Variants in CD226 observed in about 807,000 individuals in gnomAD.
The protein encoded by CD226 is CD226 antigen.
Under a neutral mutation model 34.9 loss-of-function variants are expected in CD226, and 24 were observed. The observed-to-expected ratio is 0.69, with a 90% CI of 0.50 to 0.97. The LOEUF (loss-of-function observed/expected upper bound fraction) is 0.97, where lower values mean the gene tolerates loss of function less well. CD226 is among the 50% of genes least tolerant of loss of function. CD226 has a pLI of 0.00. For missense variants in CD226, 397 were observed against 412.7 expected, an observed-to-expected ratio of 0.96 and a Z score of 0.33; for synonymous variants, 148 against 147.4, an observed-to-expected ratio of 1.00 and a Z score of -0.03.
intron 2 of CD226, among the ~76,000 whole-genome samples, chr18:69,924,253 G>T (rs1438088729): frequency 6.6e-6 from 1 of 152,036 alleles, no homozygotes; most frequent in Non-Finnish European, 1.5e-5. Context: ...CTCTGAAAAA[G>T]CTACAGACAC....
chr18:69,927,367 C>A (rs536179650), intron 2 of CD226, among the ~76,000 whole-genome samples: 1 of 136,396 alleles, frequency 7.3e-6, no homozygotes, highest in African/African-American at 3.6e-5. Context: ...AGACACTACA[C>A]ACACACACAC....
At chr18:69,950,855 C>T (rs1263537726), upstream of CD226, among the ~76,000 whole-genome samples, 2 of 152,036 alleles carry the variant, frequency 1.3e-5, no homozygotes, top group Non-Finnish European at 2.9e-5. Context: ...TGACCATCAC[C>T]CATTTCACTT....
chr18:69,874,597 A>G (rs577546093), intron 3 of CD226, among the ~76,000 whole-genome samples: 3 of 152,228 alleles, frequency 2.0e-5, no homozygotes, highest in East Asian at 1.9e-4. Flanking sequence ...CTGGAATCCT[A>G]TTGCAGCCTG....
chr18:69,901,107 G>A (rs551567517), intron 2 of CD226, among the ~76,000 whole-genome samples: 2 of 152,048 alleles, frequency 1.3e-5, no homozygotes, highest in East Asian at 1.9e-4. Context: ...CGTATCAAAT[G>A]CCACCATGGG....
At chr18:69,917,127 T>C (rs748967989) in intron 2 of CD226, among the ~76,000 whole-genome samples, 1 of 152,224 alleles carries the variant, frequency 6.6e-6, no homozygotes, top group Non-Finnish European at 1.5e-5. Flanking sequence ...ATACATTACA[T>C]AGTACAGCCA....
Position 69,932,943 on chromosome 18 carries a change from T to C in CD226, c.382+13791A>G, listed in dbSNP as rs1159006082. On this transcript the variant is annotated intron_variant, in intron 2 of 5. Coordinates refer to ENST00000582621, the MANE Select transcript of CD226 (RefSeq NM_001303618.2). ...CCTCCAACCTCACACAGGCCCAGCA[T>C]ATGACAGACATTCAATAAACATTTA... 2.0e-5 allele frequency among the ~76,000 whole-genome samples: 3 copies of C among 152,294 alleles called. No individual in the cohort carries two copies. In the East Asian group the frequency reaches 5.8e-4, roughly 29 times the overall value.
upstream of CD226, among the ~76,000 whole-genome samples, chr18:69,950,968 A>ATT (rs1367145868): frequency 3.9e-5 from 4 of 102,660 alleles, no homozygotes; most frequent in African/African-American, 1.6e-4. Flanking sequence ...GAAAACTATG[A>ATT]TTTTGTGTGT....
chr18:69,890,127 G>C (rs1349930471), intron 3 of CD226, among the ~76,000 whole-genome samples: 2 of 152,076 alleles, frequency 1.3e-5, no homozygotes, highest in Admixed American at 6.5e-5. Flanking sequence ...AAAGAAAAGA[G>C]GTAGAAAACT....
chr18:69,935,744 G>A (rs942328687), intron 2 of CD226, among the ~76,000 whole-genome samples: 2 of 152,166 alleles, frequency 1.3e-5, no homozygotes, highest in African/African-American at 4.8e-5. Context: ...AATGTTCTGA[G>A]GTCACAGGAG....
chr18:69,924,791 T>C (rs915399095), intron 2 of CD226, among the ~76,000 whole-genome samples: 2 of 148,390 alleles, frequency 1.3e-5, no homozygotes, highest in Non-Finnish European at 3.0e-5. Flanking sequence ...TTGAAAACTA[T>C]CTCACATAGC....
At chr18:69,960,108 T>C (rs1399714055), upstream of CD226, among the ~76,000 whole-genome samples, 1 of 151,652 alleles carries the variant, frequency 6.6e-6, no homozygotes, top group Non-Finnish European at 1.5e-5. Context: ...GTTGTGGTGG[T>C]GCACGTCTGT....
At chr18:69,874,643 T>C (rs1015000480) in intron 3 of CD226, among the ~76,000 whole-genome samples, 1 of 152,222 alleles carries the variant, frequency 6.6e-6, no homozygotes, top group Non-Finnish European at 1.5e-5. Context: ...TCCCCATCTT[T>C]TCCTCAGAAA....
At chr18:69,868,211 T>C (rs931900001) in intron 4 of CD226, among the ~76,000 whole-genome samples, 1 of 152,230 alleles carries the variant, frequency 6.6e-6, no homozygotes, top group African/African-American at 2.4e-5. Context: ...TATCCAACTA[T>C]ATAAAATAGT....
chr18:69,961,093 T>C (rs1568214422), upstream of CD226, among the ~76,000 whole-genome samples: 1 of 152,198 alleles, frequency 6.6e-6, no homozygotes, highest in South Asian at 2.1e-4. Context: ...CAAAATAATT[T>C]TATAAGACTC....
intron 2 of CD226, among the ~76,000 whole-genome samples, chr18:69,937,896 GA>G (rs2055674654): frequency 6.6e-6 from 1 of 152,254 alleles, no homozygotes; most frequent in South Asian, 2.1e-4. Context: ...AATATTAAAG[GA>G]ATCTCTTTAG....
chr18:69,916,474 G>C (rs1375069691), intron 2 of CD226, among the ~76,000 whole-genome samples: 1 of 152,100 alleles, frequency 6.6e-6, no homozygotes, highest in Middle Eastern at 3.2e-3. Context: ...AATCTGTACT[G>C]AATAAAATAC....
At position 69,854,522 on chromosome 18, in the gene CD226, T is replaced by C. The variant is rs945677228; in HGVS notation, c.*9792A>G. 6.6e-6 allele frequency: 1 copy of C among 152,160 alleles called. No homozygotes were observed. Among genetic ancestry groups the C allele is most frequent in the Admixed American group, 6.6e-5 (1 of 15,262 alleles). 9.4% of individuals were successfully genotyped at this position (152,160 alleles called of 1,614,324 possible). On this transcript the variant is annotated 3_prime_UTR_variant, in exon 6 of 6. Coordinates refer to ENST00000582621, the MANE Select transcript of CD226 (RefSeq NM_001303618.2). ...GGCAACAGATAGAGAGGGACATCCATTGAGAAATAAGCCATGAACCTTCTT... is the reference window on the plus strand; with the variant it reads ...GGCAACAGATAGAGAGGGACATCCACTGAGAAATAAGCCATGAACCTTCTT...
intron 2 of CD226, among the ~76,000 whole-genome samples, chr18:69,928,651 C>T (rs910257200): frequency 6.6e-6 from 1 of 152,134 alleles, no homozygotes; most frequent in East Asian, 1.9e-4. Context: ...GGAATATTTA[C>T]ATCATACCAG....
chr18:69,950,135 C>A (rs1466342784), upstream of CD226, among the ~76,000 whole-genome samples: 4 of 150,566 alleles, frequency 2.7e-5, no homozygotes, highest in African/African-American at 9.7e-5. Flanking sequence ...CACACAATCT[C>A]ACACAATCAC....
Sources: allele counts gnomAD v4.1 joint callset (sites outside exome capture counted in the v4.1 genomes callset), GRCh38; gene constraint gnomAD v4.1.1; transcripts MANE v1.5; gene names NCBI Gene and HGNC (gene_info 2026-07-23, HGNC 2026-07-21).